The following RYR2 variants were observed in gnomAD, a reference collection of about 807,000 sequenced individuals.
RYR2 encodes cardiac muscle ryanodine receptor-calcium release channel.
A neutral mutation model predicts 601.1 loss-of-function variants in RYR2; 227 were observed. The ratio of observed to expected loss-of-function variants is 0.38; its 90% CI spans 0.34 to 0.42. The LOEUF is 0.42. RYR2 is among the 10% of genes least tolerant of loss of function. The pLI, the probability that RYR2 is intolerant of heterozygous loss-of-function variation, is 1.00. For synonymous variants in RYR2, 2,223 were observed against 2,175.1 expected (o/e 1.02, Z -0.61); for missense variants, 4,646 against 6,156.5 (o/e 0.75, Z 8.21).
Position 237,783,663 on chromosome 1 carries a change from C to T in RYR2, c.11963-12C>T. ...AGTTTATTTTAAACAAATGCAACTG[C>T]TTTACCACCAGGTAATGTTGTTAAT... On this transcript the variant is annotated splice_polypyrimidine_tract_variant and intron_variant, in intron 89 of 104. Transcript: ENST00000366574. 8 of 1,558,912 alleles carry T rather than the reference C, an allele frequency of 5.1e-6. No homozygotes were observed. The highest frequency in any genetic ancestry group is 7.0e-6 in the Non-Finnish European group (8 of 1,140,836).
intron 2 of RYR2, among the ~76,000 whole-genome samples, chr1:237,324,370 A>T (rs1166006832): frequency 6.6e-6 from 1 of 152,154 alleles, no homozygotes; most frequent in Non-Finnish European, 1.5e-5. Context: ...ATTTGGGGAG[A>T]AGTCGACACT....
chr1:237,682,758 G>A (rs1267493664), intron 62 of RYR2, among the ~76,000 whole-genome samples: 1 of 152,014 alleles, frequency 6.6e-6, no homozygotes, highest in Non-Finnish European at 1.5e-5. Flanking sequence ...AAAAAGCGTT[G>A]GTAAATTTTA....
rs3056166 is a variant in RYR2, at chr1:237,047,389, C to CTTTT, written c.48+4834_48+4837dup. On this transcript the variant is annotated intron_variant, in intron 1 of 104. Coordinates refer to ENST00000366574, the MANE Select transcript of RYR2 (RefSeq NM_001035.3). ...AAGATTGGAATCCATCCTTTCTAGC[C>CTTTT]TTTTTTTTTTTTTTTTTGCCTCCCT... Among the ~76,000 whole-genome samples, 22 of 123,710 alleles carry CTTTT rather than the reference C, an allele frequency of 1.8e-4. 1 individual carries two copies. The highest frequency in any genetic ancestry group is 2.8e-4 in the Non-Finnish European group (17 of 60,754). The allele number at this position is 123,710 out of a possible 152,430, so 81.2% of individuals were successfully genotyped here.
At chr1:237,070,184 C>A (rs1343124849) in intron 1 of RYR2, among the ~76,000 whole-genome samples, 11 of 151,968 alleles carry the variant, frequency 7.2e-5, no homozygotes. Flanking sequence ...GTGTGAGCCA[C>A]CATGCCTGGA....
At position 237,106,962 on chromosome 1, in the gene RYR2, A is replaced by G. The variant is rs1214355567; in HGVS notation, c.48+64393A>G. Among the ~76,000 whole-genome samples, 17 of 152,198 alleles carry G rather than the reference A, an allele frequency of 1.1e-4. No individual in the cohort carries two copies. The highest frequency in any genetic ancestry group is 4.4e-5 in the Non-Finnish European group (3 of 68,038). ...CCTAATGCCATTACATTTGGGGTTAAGATTTTAACATATGATTTTGGGGGG... is the reference window on the plus strand; with the variant it reads ...CCTAATGCCATTACATTTGGGGTTAGGATTTTAACATATGATTTTGGGGGG... On this transcript the variant is annotated intron_variant, in intron 1 of 104. Transcript: ENST00000366574. The surrounding 1 kb of genome is among the most constrained non-coding windows in gnomAD (Gnocchi z 4.4).
At position 237,707,035 on chromosome 1, in the gene RYR2, G is replaced by A. The variant is rs556291797; in HGVS notation, c.9667G>A (p.Glu3223Lys). The A allele has an allele frequency of 8.7e-6, 14 of 1,613,848 alleles. No individual in the cohort carries two copies. The highest frequency in any genetic ancestry group is 5.5e-5 in the South Asian group (5 of 91,072). Reference sequence around the variant, plus strand: ...CATGGAAGAAATCGTGGAATTAGCCGAGTCCGGCATTCGCTACACTCAAAT... The same window carrying A: ...CATGGAAGAAATCGTGGAATTAGCCAAGTCCGGCATTCGCTACACTCAAAT... ...KLMEEIVELA[E>K]SGIRYTQMPH... Residue 3223 changes from glutamate to lysine, a missense_variant, in exon 68 of 105, where the codon GAG (glutamate) becomes AAG (lysine). Coordinates refer to ENST00000366574, the MANE Select transcript of RYR2 (RefSeq NM_001035.3).
intron 5 of RYR2, among the ~76,000 whole-genome samples, chr1:237,366,077 C>T (rs1438168623): frequency 1.3e-5 from 2 of 152,196 alleles, no homozygotes; most frequent in Non-Finnish European, 2.9e-5. Flanking sequence ...AATTTTATCT[C>T]GCTTTCACCT....
chr1:237,509,800 C>G (rs538500304), intron 23 of RYR2, among the ~76,000 whole-genome samples: 15 of 152,198 alleles, frequency 9.9e-5, no homozygotes, highest in Admixed American at 8.5e-4. Flanking sequence ...ATATTTGATC[C>G]AAGACTGAGG....
intron 1 of RYR2, among the ~76,000 whole-genome samples, chr1:237,138,308 C>T (rs2148741437): frequency 6.6e-6 from 1 of 152,324 alleles, no homozygotes; most frequent in Non-Finnish European, 1.5e-5. Context: ...GCTGGAATTA[C>T]AGGCGTGAGC....
intron 52 of RYR2, 131 bp from the exon 53 acceptor site, chr1:237,655,690 G>C: frequency 1.3e-6 from 1 of 761,962 alleles, no homozygotes; most frequent in Non-Finnish European, 2.0e-6. Flanking sequence ...TCTGGAAAAA[G>C]AATGATCAGA....
At chr1:237,609,113 A>G (rs1677504733) in intron 35 of RYR2, among the ~76,000 whole-genome samples, 1 of 131,586 alleles carries the variant, frequency 7.6e-6, no homozygotes, top group Non-Finnish European at 1.6e-5. Context: ...GAGTGCACTG[A>G]TGTGATCTCA....
intron 1 of RYR2, among the ~76,000 whole-genome samples, chr1:237,174,895 A>T (rs2148922721): frequency 6.6e-6 from 1 of 152,320 alleles, no homozygotes; most frequent in South Asian, 2.1e-4. Context: ...AAAGTCCCTG[A>T]TTTATGTATG....
intron 17 of RYR2, among the ~76,000 whole-genome samples, chr1:237,483,771 C>T (rs1662376278): frequency 6.6e-6 from 1 of 152,132 alleles, no homozygotes; most frequent in Admixed American, 6.6e-5. Flanking sequence ...TATTTAATTA[C>T]TCAGAGCTAA....
At chr1:237,576,788 C>T (rs1673267626) in intron 29 of RYR2, among the ~76,000 whole-genome samples, 1 of 152,038 alleles carries the variant, frequency 6.6e-6, no homozygotes, top group Non-Finnish European at 1.5e-5. Context: ...TTTCTGAAAT[C>T]AAGCAAAATG....
chr1:237,169,589 C>T (rs1273261167), intron 1 of RYR2, among the ~76,000 whole-genome samples: 1 of 152,114 alleles, frequency 6.6e-6, no homozygotes, highest in African/African-American at 2.4e-5. Flanking sequence ...CGTGCCCTGC[C>T]ATGATTGCCT....
intron 16 of RYR2, among the ~76,000 whole-genome samples, chr1:237,467,176 TATATA>T: frequency 6.8e-6 from 1 of 147,864 alleles, no homozygotes; most frequent in East Asian, 2.0e-4. Flanking sequence ...ATGATAATGA[TATATA>T]TTATATATAT....
At chr1:237,351,253 TAAG>T (rs1007492009) in intron 3 of RYR2, among the ~76,000 whole-genome samples, 35 of 152,076 alleles carry the variant, frequency 2.3e-4, no homozygotes, top group African/African-American at 8.2e-4. Context: ...CCTAAATACA[TAAG>T]AAGAACTGAA....
rs774278514 is a variant in RYR2 at position 237,238,023 on chromosome 1, C to T, written c.49-32474C>T. 1.2e-4 allele frequency among the ~76,000 whole-genome samples: 13 copies of T among 107,084 alleles called. No individual in the cohort carries two copies. In the Admixed American group the frequency reaches 1.2e-3, roughly 10 times the overall value. 70.3% of individuals were successfully genotyped at this position (107,084 alleles called of 152,430 possible). ...TATTCTGTCACCCATGCTGGAGTGG[C>T]GCATCATGGCTTATTGCAGCCTCGA... On this transcript the variant is annotated intron_variant, in intron 1 of 104. Transcript: ENST00000366574.
At chr1:237,516,043 T>TTCCTCC (rs996258841) in intron 24 of RYR2, among the ~76,000 whole-genome samples, 1 of 149,354 alleles carries the variant, frequency 6.7e-6, no homozygotes, top group African/African-American at 2.5e-5. Flanking sequence ...TTTCTGTCTC[T>TTCCTCC]TCCTCCTCCT....
Sources: allele counts gnomAD v4.1 joint callset (sites outside exome capture counted in the v4.1 genomes callset), GRCh38; gene constraint gnomAD v4.1.1; non-coding constraint Gnocchi (gnomAD v3.1); transcripts MANE v1.5; gene names NCBI Gene and HGNC (gene_info 2026-07-23, HGNC 2026-07-21).